The following GLCE variants were observed in gnomAD, a reference collection of about 807,000 sequenced individuals.
The protein encoded by GLCE is glucuronic acid epimerase, also known as D-glucuronyl C5-epimerase.
GLCE carries 19 observed loss-of-function variants against 47.9 expected under a neutral mutation model. The ratio of observed to expected loss-of-function variants is 0.40; its 90% CI spans 0.28 to 0.58. The LOEUF (loss-of-function observed/expected upper bound fraction) is 0.58. Among genes scored for constraint, GLCE ranks in the 20% least tolerant of loss-of-function variants. The probability of loss-of-function intolerance (pLI) is 0.48; values close to 1 mark genes in which losing one functional copy is unlikely to be tolerated. For synonymous variants in GLCE, 245 were observed against 263.4 expected (o/e 0.93, Z 0.68); for missense variants, 556 against 743.3 (o/e 0.75, Z 2.93).
At chr15:69,235,843 G>C (rs942757382) in intron 2 of GLCE, among the ~76,000 whole-genome samples, 1 of 152,142 alleles carries the variant, frequency 6.6e-6, no homozygotes, top group Non-Finnish European at 1.5e-5. Context: ...TTTATAGTTG[G>C]ATGAGTTTTG....
chr15:69,219,851 ACT>A (rs1443098681), intron 2 of GLCE, among the ~76,000 whole-genome samples: 1 of 151,748 alleles, frequency 6.6e-6, no homozygotes, highest in Non-Finnish European at 1.5e-5. Flanking sequence ...TAAACCTGAA[ACT>A]CTGTACTGAT....
At chr15:69,195,737 T>G (rs1595748548) in intron 1 of GLCE, among the ~76,000 whole-genome samples, 1 of 152,146 alleles carries the variant, frequency 6.6e-6, no homozygotes, top group East Asian at 1.9e-4. Flanking sequence ...CAAATCACAA[T>G]GATTGAAATA....
intron 1 of GLCE, among the ~76,000 whole-genome samples, chr15:69,182,401 G>A (rs2051763419): frequency 6.6e-6 from 1 of 151,340 alleles, no homozygotes; most frequent in Admixed American, 6.6e-5. Context: ...GAGAGAGAGA[G>A]AGAGAGTCCA....
chr15:69,230,226 A>C (rs2052504202), intron 2 of GLCE, among the ~76,000 whole-genome samples: 1 of 151,764 alleles, frequency 6.6e-6, no homozygotes, highest in African/African-American at 2.4e-5. Flanking sequence ...AAAAAAAAAA[A>C]ACGAAAAGTA....
At chr15:69,219,548 CA>C (rs1310641393) in intron 2 of GLCE, among the ~76,000 whole-genome samples, 1 of 152,102 alleles carries the variant, frequency 6.6e-6, no homozygotes, top group East Asian at 1.9e-4. Flanking sequence ...TAAGTAATCA[CA>C]AGACTTGGGT....
chr15:69,173,168 C>T (rs1019824221), intron 1 of GLCE, among the ~76,000 whole-genome samples: 2 of 152,178 alleles, frequency 1.3e-5, no homozygotes, highest in Middle Eastern at 3.2e-3. Context: ...GTTGATTATT[C>T]TTTTCTACTC....
chr15:69,210,166 G>A (rs144260040), intron 1 of GLCE, 150 bp from the exon 2 acceptor site: 7 of 152,132 alleles, frequency 4.6e-5, no homozygotes, highest in Non-Finnish European at 8.8e-5. Context: ...TGTTTTAATC[G>A]GCCTGCTACT....
At chr15:69,254,009 A>G (rs894568424) in intron 2 of GLCE, among the ~76,000 whole-genome samples, 11 of 152,240 alleles carry the variant, frequency 7.2e-5, no homozygotes, top group African/African-American at 2.7e-4. Flanking sequence ...ATTGGAAGTA[A>G]AAGAAATGAA....
chr15:69,177,930 T>A (rs943080380), intron 1 of GLCE, among the ~76,000 whole-genome samples: 9 of 152,244 alleles, frequency 5.9e-5, no homozygotes, highest in African/African-American at 2.2e-4. Context: ...TGTTGTTGCA[T>A]GTATAAATAA....
intron 1 of GLCE, among the ~76,000 whole-genome samples, chr15:69,180,638 C>T (rs998347711): frequency 4.7e-4 from 72 of 152,170 alleles, no homozygotes; most frequent in African/African-American, 1.5e-3. Context: ...AGCATGCCTG[C>T]GGTATTTACA....
At chr15:69,161,161 C>T (rs1426122714) in intron 1 of GLCE, among the ~76,000 whole-genome samples, 1 of 151,924 alleles carries the variant, frequency 6.6e-6, no homozygotes, top group Non-Finnish European at 1.5e-5. Context: ...GGGTCCCGAG[C>T]TCTTTGGGGC....
At chr15:69,254,299 G>A (rs1209106982) in intron 2 of GLCE, among the ~76,000 whole-genome samples, 1 of 152,102 alleles carries the variant, frequency 6.6e-6, no homozygotes, top group Non-Finnish European at 1.5e-5. Flanking sequence ...CCAGCAAAAA[G>A]TAACCCAGGA....
intron 2 of GLCE, among the ~76,000 whole-genome samples, chr15:69,250,700 A>T (rs2052829408): frequency 6.6e-6 from 1 of 151,164 alleles, no homozygotes; most frequent in African/African-American, 2.4e-5. Context: ...CTTAATGTGG[A>T]CACCCGATCG....
intron 2 of GLCE, among the ~76,000 whole-genome samples, chr15:69,223,902 T>C (rs2052411131): frequency 6.6e-6 from 1 of 152,202 alleles, no homozygotes; most frequent in African/African-American, 2.4e-5. Context: ...CCAGAATTTC[T>C]CTTTGGTTCT....
chr15:69,236,094 T>TTG (rs1374932393), intron 2 of GLCE, among the ~76,000 whole-genome samples: 2 of 152,232 alleles, frequency 1.3e-5, no homozygotes, highest in African/African-American at 4.8e-5. Context: ...TTCATCTATG[T>TTG]TGTGGCAGGT....
At chr15:69,219,092 T>C (rs570397635) in intron 2 of GLCE, among the ~76,000 whole-genome samples, 1 of 152,270 alleles carries the variant, frequency 6.6e-6, no homozygotes, top group African/African-American at 2.4e-5. Flanking sequence ...AATGTTATAC[T>C]GTGAACATTA....
intron 2 of GLCE, among the ~76,000 whole-genome samples, chr15:69,237,911 C>T (rs1015847711): frequency 7.9e-5 from 12 of 152,168 alleles, no homozygotes; most frequent in African/African-American, 2.2e-4. Flanking sequence ...AAGCCTGAAA[C>T]TCCTTTCTGA....
chr15:69,227,628 T>A (rs1251328825), intron 2 of GLCE, among the ~76,000 whole-genome samples: 1 of 152,208 alleles, frequency 6.6e-6, no homozygotes, highest in Non-Finnish European at 1.5e-5. Context: ...AACCATCATT[T>A]AAAAAACAGT....
intron 1 of GLCE, among the ~76,000 whole-genome samples, chr15:69,199,001 T>G (rs904661647): frequency 6.6e-6 from 1 of 152,184 alleles, no homozygotes. Flanking sequence ...ACTATAAAAA[T>G]GCTTAACTTG....
Sources: gnomAD v4.1 joint callset for allele counts (sites outside exome capture counted in the v4.1 genomes callset) on GRCh38, gnomAD v4.1.1 for gene constraint, MANE v1.5 for transcripts, NCBI Gene and HGNC (gene_info 2026-07-23, HGNC 2026-07-21) for gene names.